POFUT3: variants seen among roughly 807,000 people sequenced by gnomAD.
POFUT3 encodes GDP-fucose protein O-fucosyltransferase 3.
the POFUT3 span, chr8:33,460,723 A>G: frequency 2.0e-6 from 2 of 985,224 alleles, no homozygotes; most frequent in Non-Finnish European, 1.2e-6. Context: ...TTCTATTTCA[A>G]TGACTTTGTT....
At chr8:33,407,588 A>G in the POFUT3 span, among the ~76,000 whole-genome samples, 1 of 152,186 alleles carries the variant, frequency 6.6e-6, no homozygotes, top group African/African-American at 2.4e-5. Flanking sequence ...TGTTAAAAAA[A>G]ATTTTTTATC....
the POFUT3 span, chr8:33,388,818 A>G: frequency 1.5e-4 from 104 of 681,506 alleles, 1 homozygote; most frequent in South Asian, 1.9e-3. Flanking sequence ...TAGTAATGGA[A>G]TATTCAACCT....
At chr8:33,360,058 A>T in the POFUT3 span, among the ~76,000 whole-genome samples, 3 of 151,656 alleles carry the variant, frequency 2.0e-5, no homozygotes, top group Admixed American at 1.3e-4. Flanking sequence ...AACAAAACAA[A>T]CTATCTACCT....
chr8:33,318,845 A>T, the POFUT3 span, among the ~76,000 whole-genome samples: 2 of 56,518 alleles, frequency 3.5e-5, 1 homozygote, highest in Non-Finnish European at 5.3e-5. Context: ...TATTTATATA[A>T]TATATAAATA....
At chr8:33,411,191 C>A in the POFUT3 span, among the ~76,000 whole-genome samples, 1 of 152,084 alleles carries the variant, frequency 6.6e-6, no homozygotes, top group Non-Finnish European at 1.5e-5. Context: ...AGAAAAATAG[C>A]AAATTCACTG....
chr8:33,353,678 G>A, the POFUT3 span, among the ~76,000 whole-genome samples: 2 of 152,144 alleles, frequency 1.3e-5, no homozygotes, highest in African/African-American at 2.4e-5. Flanking sequence ...GGTGCTTGGC[G>A]GTGAGATCTG....
the POFUT3 span, among the ~76,000 whole-genome samples, chr8:33,401,546 C>T: frequency 1.7e-4 from 26 of 152,116 alleles, no homozygotes; most frequent in African/African-American, 3.9e-4. Context: ...TTTTCACATA[C>T]GTGAAAACAT....
At chr8:33,387,498 T>G in the POFUT3 span, among the ~76,000 whole-genome samples, 1 of 152,142 alleles carries the variant, frequency 6.6e-6, no homozygotes, top group Non-Finnish European at 1.5e-5. Context: ...AGAAAAGTTG[T>G]TGGCCTTCGG....
At chr8:33,464,455 C>T in the POFUT3 span, among the ~76,000 whole-genome samples, 1 of 152,178 alleles carries the variant, frequency 6.6e-6, no homozygotes, top group Non-Finnish European at 1.5e-5. Flanking sequence ...AAGACTCTAA[C>T]TTTGACGAGT....
the POFUT3 span, among the ~76,000 whole-genome samples, chr8:33,416,932 G>T: frequency 6.6e-6 from 1 of 152,102 alleles, no homozygotes; most frequent in African/African-American, 2.4e-5. Flanking sequence ...TACTCTACTT[G>T]GGAAACAGTT....
the POFUT3 span, among the ~76,000 whole-genome samples, chr8:33,400,176 G>T: frequency 3.4e-5 from 5 of 149,082 alleles, no homozygotes; most frequent in East Asian, 7.9e-4. Flanking sequence ...GAGGGGCCAG[G>T]CGTGGTGGCT....
the POFUT3 span, among the ~76,000 whole-genome samples, chr8:33,352,039 C>G: frequency 6.6e-6 from 1 of 152,182 alleles, no homozygotes; most frequent in Non-Finnish European, 1.5e-5. Flanking sequence ...TAAGCCAGGA[C>G]TCCCAGGCCT....
the POFUT3 span, among the ~76,000 whole-genome samples, chr8:33,426,412 C>T: frequency 6.6e-6 from 1 of 152,076 alleles, no homozygotes; most frequent in African/African-American, 2.4e-5. Flanking sequence ...GTCTAAATAG[C>T]TGGAGAGACT....
the POFUT3 span, among the ~76,000 whole-genome samples, chr8:33,337,161 A>G: frequency 6.6e-6 from 1 of 151,210 alleles, no homozygotes; most frequent in Non-Finnish European, 1.5e-5. Context: ...CTTACTCCCC[A>G]CCTAAAGGGA....
chr8:33,446,644 A>G, the POFUT3 span, among the ~76,000 whole-genome samples: 2 of 152,142 alleles, frequency 1.3e-5, no homozygotes, highest in Admixed American at 6.5e-5. Context: ...AAGCAACCTC[A>G]TGATTCTAAT....
At chr8:33,458,799 C>G in the POFUT3 span, among the ~76,000 whole-genome samples, 3 of 152,164 alleles carry the variant, frequency 2.0e-5, no homozygotes, top group Non-Finnish European at 4.4e-5. Flanking sequence ...TTCTGTGCAG[C>G]AGGTCCTAGA....
chr8:33,363,864 C>A, the POFUT3 span, among the ~76,000 whole-genome samples: 1 of 152,304 alleles, frequency 6.6e-6, no homozygotes, highest in East Asian at 1.9e-4. Context: ...AGTACCATTC[C>A]TTCTGAAACT....
the POFUT3 span, among the ~76,000 whole-genome samples, chr8:33,405,994 A>G: frequency 6.6e-6 from 1 of 152,180 alleles, no homozygotes; most frequent in Non-Finnish European, 1.5e-5. Flanking sequence ...AGTAGTACGT[A>G]GTAAATTTTT....
At chr8:33,449,346 A>G in the POFUT3 span, among the ~76,000 whole-genome samples, 95,902 of 140,886 alleles carry the variant, frequency 0.68, 32,633 homozygotes, top group African/African-American at 0.79. Flanking sequence ...CTGGAGTGCA[A>G]TGACACGATC....
Sources: allele counts gnomAD v4.1 joint callset (sites outside exome capture counted in the v4.1 genomes callset), GRCh38; gene constraint gnomAD v4.1.1; transcripts MANE v1.5; gene names NCBI Gene and HGNC (gene_info 2026-07-23, HGNC 2026-07-21).